The following ANO10 variants were observed in gnomAD, a reference collection of about 807,000 sequenced individuals.
ANO10 encodes anoctamin-10.
ANO10 carries 77 observed loss-of-function variants against 74.7 expected under a neutral mutation model. The observed-to-expected ratio is 1.03, with a 90% confidence interval of 0.86 to 1.25. The LOEUF is 1.25. Ranked by LOEUF, ANO10 falls within the 50% of genes most tolerant of loss-of-function variation. ANO10 has a pLI of 0.00. For synonymous variants in ANO10, 279 were observed against 284.9 expected, an observed-to-expected ratio of 0.98 and a Z score of 0.21; for missense variants, 721 against 778.1, an observed-to-expected ratio of 0.93 and a Z score of 0.87.
chr3:43,456,035 G>A (rs1181619249), intron 11 of ANO10, among the ~76,000 whole-genome samples: 1 of 152,136 alleles, frequency 6.6e-6, no homozygotes. Flanking sequence ...CCTACTAGGT[G>A]ATGAAATAAT....
At chr3:43,684,829 G>A (rs1384604860) in intron 1 of ANO10, among the ~76,000 whole-genome samples, 1 of 152,074 alleles carries the variant, frequency 6.6e-6, no homozygotes, top group Non-Finnish European at 1.5e-5. Context: ...ACTATTGCAA[G>A]GACAAAAAAC....
intron 11 of ANO10, among the ~76,000 whole-genome samples, chr3:43,448,337 C>A (rs537552417): frequency 4.4e-5 from 5 of 113,642 alleles, no homozygotes; most frequent in African/African-American, 2.0e-4. Flanking sequence ...TTCCACACTT[C>A]CTCCCTTGCA....
At chr3:43,431,848 C>A (rs980126759) in intron 12 of ANO10, among the ~76,000 whole-genome samples, 1 of 152,062 alleles carries the variant, frequency 6.6e-6, no homozygotes, top group South Asian at 2.1e-4. Flanking sequence ...GTCCTCTTCA[C>A]GTTCTTTTTT....
At chr3:43,461,615 G>A (rs895998500) in intron 11 of ANO10, among the ~76,000 whole-genome samples, 33 of 152,194 alleles carry the variant, frequency 2.2e-4, no homozygotes, top group South Asian at 2.1e-4. Flanking sequence ...GGAGTTCCCT[G>A]CACAAGCTCT....
intron 7 of ANO10, among the ~76,000 whole-genome samples, chr3:43,566,824 C>A (rs1442532765): frequency 2.6e-5 from 4 of 152,246 alleles, no homozygotes; most frequent in Non-Finnish European, 5.9e-5. Flanking sequence ...CGGAACAAAG[C>A]TGGATGGAGA....
chr3:43,549,698 A>AT (rs2079367343), intron 11 of ANO10, 22 bp downstream of exon 11: 1 of 1,613,430 alleles, frequency 6.2e-7, no homozygotes, highest in African/African-American at 1.3e-5. Context: ...ACTGCTTAAA[A>AT]TAAGTTTAAA....
intron 1 of ANO10, among the ~76,000 whole-genome samples, chr3:43,627,956 G>T (rs548084197): frequency 6.6e-6 from 1 of 152,140 alleles, no homozygotes; most frequent in Non-Finnish European, 1.5e-5. Context: ...GCGCTATCTA[G>T]GCTTACCACA....
chr3:43,616,723 C>T (rs779974474), intron 1 of ANO10, among the ~76,000 whole-genome samples: 1 of 152,108 alleles, frequency 6.6e-6, no homozygotes, highest in Non-Finnish European at 1.5e-5. Flanking sequence ...TTGTGCCAGC[C>T]GTTATGCCAC....
chr3:43,373,753 C>T (rs1178193044), intron 12 of ANO10, among the ~76,000 whole-genome samples: 3 of 152,204 alleles, frequency 2.0e-5, no homozygotes, highest in East Asian at 3.9e-4. Context: ...TGATTAACTA[C>T]AGCCACCTCC....
intron 11 of ANO10, among the ~76,000 whole-genome samples, chr3:43,433,537 T>C (rs1029720459): frequency 1.3e-5 from 2 of 152,198 alleles, no homozygotes; most frequent in Non-Finnish European, 2.9e-5. Flanking sequence ...TAAATAAAGA[T>C]TAATTCAATG....
chr3:43,643,280 C>T (rs1017946714), intron 1 of ANO10, among the ~76,000 whole-genome samples: 2 of 151,814 alleles, frequency 1.3e-5, no homozygotes, highest in African/African-American at 4.9e-5. Flanking sequence ...ATCCACCCGC[C>T]TCGGCCTCCC....
rs1228099440 is a variant in ANO10, at chr3:43,580,336, C to T, written c.592+17G>A. On this transcript the variant is annotated intron_variant, in intron 5 of 12. Coordinates refer to ENST00000292246, the MANE Select transcript of ANO10 (RefSeq NM_018075.5). Reference sequence around the variant, plus strand: ...GAGGCCTTCCTCTTCTTTAAGAGAACAAGTACTGACACATACCTATGGGCT... The same window carrying T: ...GAGGCCTTCCTCTTCTTTAAGAGAATAAGTACTGACACATACCTATGGGCT... 1 of 1,613,456 alleles carries T rather than the reference C, an allele frequency of 6.2e-7. No homozygotes were observed. The highest frequency in any genetic ancestry group is 1.7e-4 in the Middle Eastern group (1 of 6,060).
chr3:43,619,868 C>CAA (rs746826623), intron 1 of ANO10, among the ~76,000 whole-genome samples: 41 of 79,938 alleles, frequency 5.1e-4, no homozygotes, highest in Admixed American at 2.3e-3. Flanking sequence ...AGACCTTGTC[C>CAA]AAAAAAAAAA....
At chr3:43,667,522 T>G (rs2084006839) in intron 1 of ANO10, among the ~76,000 whole-genome samples, 1 of 152,118 alleles carries the variant, frequency 6.6e-6, no homozygotes, top group Admixed American at 6.6e-5. Flanking sequence ...TTCTGAGATT[T>G]TAGGGCACTC....
intron 12 of ANO10, among the ~76,000 whole-genome samples, chr3:43,402,674 C>T (rs58547450): frequency 0.02 from 2,987 of 152,240 alleles, 91 homozygotes; most frequent in African/African-American, 0.066. Context: ...ACCACACTGG[C>T]TCTTTTCAAA....
intron 11 of ANO10, chr3:43,485,149 GGGCCCT>G: frequency 1.3e-6 from 1 of 776,352 alleles, no homozygotes; most frequent in Non-Finnish European, 2.2e-6. Flanking sequence ...TGGATGGAGT[GGGCCCT>G]GGCGCGGTAG....
chr3:43,601,928 G>A (rs1553735628), intron 2 of ANO10, among the ~76,000 whole-genome samples: 1 of 152,208 alleles, frequency 6.6e-6, no homozygotes, highest in Non-Finnish European at 1.5e-5. Context: ...GGCTCCTGGT[G>A]CCACACCTTA....
At chr3:43,556,473 C>A (rs2079756037) in intron 9 of ANO10, among the ~76,000 whole-genome samples, 1 of 152,160 alleles carries the variant, frequency 6.6e-6, no homozygotes, top group Non-Finnish European at 1.5e-5. Context: ...CTCTGTGTTT[C>A]CATCTCTCGG....
At chr3:43,485,319 A>T (rs1286911179) in intron 11 of ANO10, 1 of 544,678 alleles carries the variant, frequency 1.8e-6, no homozygotes, top group Non-Finnish European at 3.3e-6. Context: ...ATACCTCCGG[A>T]TCCGACAGGG....
Sources: allele counts gnomAD v4.1 joint callset (sites outside exome capture counted in the v4.1 genomes callset), GRCh38; gene constraint gnomAD v4.1.1; transcripts MANE v1.5; gene names NCBI Gene and HGNC (gene_info 2026-07-23, HGNC 2026-07-21).